MPDZ: variants seen among roughly 807,000 people sequenced by gnomAD.
MPDZ encodes multiple PDZ domain crumbs cell polarity complex component, also known as multiple PDZ domain protein.
Under a neutral mutation model 239.1 loss-of-function variants are expected in MPDZ, and 234 were observed. That is an observed-to-expected ratio of 0.98 (90% CI 0.88 to 1.09). The LOEUF (loss-of-function observed/expected upper bound fraction) is 1.09, where lower values mean the gene tolerates loss of function less well. Ranked by LOEUF, MPDZ falls within the 50% of genes least tolerant of loss-of-function variation. The probability of loss-of-function intolerance (pLI) is 0.00; values close to 1 mark genes in which losing one functional copy is unlikely to be tolerated. For missense variants in MPDZ, 3,175 were observed against 2,510.0 expected (o/e 1.26, Z -5.66); for synonymous variants, 1,048 against 881.3 (o/e 1.19, Z -3.35).
At chr9:13,117,462 C>T (rs972475467) in intron 39 of MPDZ, among the ~76,000 whole-genome samples, 5 of 148,202 alleles carry the variant, frequency 3.4e-5, no homozygotes, top group Admixed American at 1.4e-4. Context: ...ACCCGGGAGG[C>T]GGAGCTTGCA....
chr9:13,121,394 G>C (rs369567526), intron 38 of MPDZ, among the ~76,000 whole-genome samples: 4 of 152,160 alleles, frequency 2.6e-5, no homozygotes, highest in Non-Finnish European at 4.4e-5. Flanking sequence ...TTTGTTGCAA[G>C]AATATATTTA....
In MPDZ at chr9:13,158,062, G is replaced by T; in HGVS notation, c.3408C>A (p.Ser1136Arg). 1 of 1,612,720 alleles carries T rather than the reference G, an allele frequency of 6.2e-7. No individual in the cohort carries two copies. The highest frequency in any genetic ancestry group is 8.5e-7 in the Non-Finnish European group (1 of 1,179,166). The change falls in exon 24 of 47, where the codon AGC becomes AGA. Residue 1136 changes from serine (S) to arginine (R), a missense_variant. Ser to Arg is a moderately radical substitution (Grantham distance 110). Transcript: ENST00000319217. ...TGCTATATGCTGTGTTTTGAAGTTC[G>T]CTTTCTTCACCCTCTCCCTCTTCTC... ...PEREEGEGEE[S>R]ELQNTAYSNW...
At chr9:13,216,364 A>T (rs1181591614) in intron 10 of MPDZ, among the ~76,000 whole-genome samples, 2 of 150,890 alleles carry the variant, frequency 1.3e-5, no homozygotes, top group African/African-American at 4.9e-5. Context: ...GCCAACAATA[A>T]CAGTATCATT....
At chr9:13,164,646 T>C (rs139336069) in intron 22 of MPDZ, among the ~76,000 whole-genome samples, 2,773 of 152,280 alleles carry the variant, frequency 0.018, 88 homozygotes, top group African/African-American at 0.062. Context: ...TGAGTTTTTC[T>C]TTATATTTGT....
At position 13,237,633 on chromosome 9, in the gene MPDZ, T is replaced by C. The variant is rs183933834; in HGVS notation, c.183+10002A>G. 5.5e-3 allele frequency among the ~76,000 whole-genome samples: 830 copies of C among 152,006 alleles called. 3 individuals are homozygous for C. The highest frequency in any genetic ancestry group is 0.018 in the African/African-American group (766 of 41,446). ...AACTATGATTATATAGACTTGAGTATAGAAAAGACATTTTCTCAAAAATAA... is the reference window on the plus strand; with the variant it reads ...AACTATGATTATATAGACTTGAGTACAGAAAAGACATTTTCTCAAAAATAA... On this transcript the variant is annotated intron_variant, in intron 3 of 46. Transcript: ENST00000319217.
intron 39 of MPDZ, among the ~76,000 whole-genome samples, chr9:13,116,924 C>T (rs988683794): frequency 2.0e-5 from 3 of 152,010 alleles, no homozygotes; most frequent in Non-Finnish European, 4.4e-5. Flanking sequence ...CTTATATTCC[C>T]CACTAATTAC....
chr9:13,150,496 C>A lies in MPDZ; in HGVS notation c.3630+15G>T. On this transcript the variant is annotated intron_variant, in intron 25 of 46. Transcript: ENST00000319217. ...AACAAACAAATTTTAGCACAGAAAG[C>A]TCACTAGAGGGTACCTCTACGATTC... 1 of 1,469,980 alleles carries A rather than the reference C, an allele frequency of 6.8e-7. No homozygotes were observed. The highest frequency in any genetic ancestry group is 1.6e-5 in the South Asian group (1 of 60,962). The allele number at this position is 1,469,980 out of a possible 1,614,324, so 91.1% of individuals were successfully genotyped here. A position where few individuals can be genotyped will look rare whatever the true frequency, so the allele number is the denominator to read the frequency against.
At chr9:13,162,553 G>A in intron 23 of MPDZ, 138 bp downstream of exon 23, 1 of 410,392 alleles carries the variant, frequency 2.4e-6, no homozygotes, top group Non-Finnish European at 4.3e-6. Context: ...TGAGGGAAAG[G>A]GAAGAATATT....
At chr9:13,213,684 T>G (rs1448245682) in intron 10 of MPDZ, among the ~76,000 whole-genome samples, 1 of 152,126 alleles carries the variant, frequency 6.6e-6, no homozygotes, top group Admixed American at 6.6e-5. Context: ...TGAAGTCAAG[T>G]GATTTTATTG....
At chr9:13,195,425 C>T (rs1955519562) in intron 13 of MPDZ, among the ~76,000 whole-genome samples, 1 of 152,192 alleles carries the variant, frequency 6.6e-6, no homozygotes, top group South Asian at 2.1e-4. Context: ...CTTCTCCCTT[C>T]TAGTCCAGAG....
chr9:13,244,098 T>A (rs1022622228), intron 3 of MPDZ, among the ~76,000 whole-genome samples: 6 of 152,204 alleles, frequency 3.9e-5, no homozygotes, highest in Non-Finnish European at 8.8e-5. Context: ...TCATTTTAAT[T>A]CTCAGTTTTC....
At chr9:13,201,444 C>G (rs971286492) in intron 12 of MPDZ, among the ~76,000 whole-genome samples, 1 of 151,812 alleles carries the variant, frequency 6.6e-6, no homozygotes, top group Admixed American at 6.6e-5. Flanking sequence ...AAGCCTGTAG[C>G]TGGATGGTGT....
At chr9:13,172,380 G>GT (rs1427561861) in intron 21 of MPDZ, among the ~76,000 whole-genome samples, 30 of 16,242 alleles carry the variant, frequency 1.8e-3, no homozygotes, top group East Asian at 6.6e-3. Context: ...GTCTTACTTT[G>GT]TTTTTTGTTT....
intron 40 of MPDZ, among the ~76,000 whole-genome samples, chr9:13,114,666 C>A (rs1390119717): frequency 6.6e-6 from 1 of 152,084 alleles, no homozygotes; most frequent in African/African-American, 2.4e-5. Context: ...CTTTGGGAGG[C>A]TGAGGCGGGT....
chr9:13,244,420 G>A (rs973245443), intron 3 of MPDZ, among the ~76,000 whole-genome samples: 3 of 152,174 alleles, frequency 2.0e-5, no homozygotes, highest in Non-Finnish European at 4.4e-5. Flanking sequence ...TTGACACACA[G>A]TCACAGTTCT....
intron 15 of MPDZ, among the ~76,000 whole-genome samples, chr9:13,190,714 T>G (rs1954795545): frequency 6.6e-6 from 1 of 152,164 alleles, no homozygotes; most frequent in South Asian, 2.1e-4. Flanking sequence ...AGTTCTATAC[T>G]CTATACAAAT....
intron 8 of MPDZ, among the ~76,000 whole-genome samples, chr9:13,218,061 A>C (rs1414589740): frequency 6.6e-6 from 1 of 151,886 alleles, no homozygotes; most frequent in Non-Finnish European, 1.5e-5. Context: ...AGAAGAGCAC[A>C]AAGAAATCAA....
At position 13,248,976 on chromosome 9, in the gene MPDZ, CAAAAAAAAAAAAAAAA is replaced by C. The variant is rs71331534; in HGVS notation, c.17-1191_17-1176del. 2.8e-4 allele frequency among the ~76,000 whole-genome samples: 10 copies of C among 35,820 alleles called. No homozygotes were observed. In the South Asian group the frequency reaches 7.1e-3, roughly 25 times the overall value. 23.5% of individuals were successfully genotyped at this position (35,820 alleles called of 152,430 possible). A position where few individuals can be genotyped will look rare whatever the true frequency, so the allele number is the denominator to read the frequency against. On this transcript the variant is annotated intron_variant, in intron 2 of 46. Transcript: ENST00000319217. Reference sequence around the variant, plus strand: ...CGACAGAGTGAGTGAGACTCCATCTCAAAAAAAAAAAAAAAAAAAAAAAAAAAAAAAAATTGGAATC... The same window carrying C: ...CGACAGAGTGAGTGAGACTCCATCTCAAAAAAAAAAAAAAAAATTGGAATC...
chr9:13,178,629 C>CT (rs1246000230), intron 19 of MPDZ, among the ~76,000 whole-genome samples: 1 of 152,166 alleles, frequency 6.6e-6, no homozygotes, highest in Non-Finnish European at 1.5e-5. Flanking sequence ...GTTAATTGAT[C>CT]TGGATTCACA....
Sources: allele counts gnomAD v4.1 joint callset (sites outside exome capture counted in the v4.1 genomes callset), GRCh38; gene constraint gnomAD v4.1.1; transcripts MANE v1.5; gene names NCBI Gene and HGNC (gene_info 2026-07-23, HGNC 2026-07-21).